The following TOX3 variants were observed in gnomAD, a reference collection of about 807,000 sequenced individuals.
The protein encoded by TOX3 is CAG trinucleotide repeat-containing gene F9 protein.
Under a neutral mutation model 64.3 loss-of-function variants are expected in TOX3, and 22 were observed. The ratio of observed to expected loss-of-function variants is 0.34; its 90% confidence interval spans 0.24 to 0.49. The LOEUF (loss-of-function observed/expected upper bound fraction) is 0.49. Ranked by LOEUF, TOX3 falls within the 20% of genes least tolerant of loss-of-function variation. The probability of loss-of-function intolerance (pLI) is 0.99; values close to 1 mark genes in which losing one functional copy is unlikely to be tolerated. For synonymous variants in TOX3, 291 were observed against 273.6 expected, an observed-to-expected ratio of 1.06 and a Z score of -0.63; for missense variants, 661 against 714.4, an observed-to-expected ratio of 0.93 and a Z score of 0.85.
At chr16:52,529,474 C>CT (rs943047498) in intron 1 of TOX3, among the ~76,000 whole-genome samples, 1 of 152,198 alleles carries the variant, frequency 6.6e-6, no homozygotes, top group African/African-American at 2.4e-5. Context: ...CATAGCCTGC[C>CT]TTTCTCTACA....
At position 52,517,790 on chromosome 16, in the gene TOX3, A is replaced by G. The variant is rs78713570; in HGVS notation, c.87+28847T>C. ...TTAAGAACAAAATAATACTTTTAAA[A>G]TATAAACCAGTTTAAAAGTATCAAA... On this transcript the variant is annotated intron_variant, in intron 1 of 6. Coordinates refer to ENST00000219746, the MANE Select transcript of TOX3 (RefSeq NM_001080430.4). Among the ~76,000 whole-genome samples the G allele has an allele frequency of 4.1e-3, 629 of 152,308 alleles. 4 individuals are homozygous for G. Among genetic ancestry groups the G allele is most frequent in the African/African-American group, 0.014 (598 of 41,570 alleles).
chr16:52,496,505 C>G (rs1226987801), intron 1 of TOX3, among the ~76,000 whole-genome samples: 1 of 152,164 alleles, frequency 6.6e-6, no homozygotes, highest in Non-Finnish European at 1.5e-5. Flanking sequence ...ATCCTCTTTG[C>G]CTTACAAAAG....
At chr16:52,462,428 T>C (rs1316151947) in intron 3 of TOX3, among the ~76,000 whole-genome samples, 1 of 152,126 alleles carries the variant, frequency 6.6e-6, no homozygotes, top group Non-Finnish European at 1.5e-5. Flanking sequence ...TTACACTTTT[T>C]TATGGCAGCA....
intron 4 of TOX3, among the ~76,000 whole-genome samples, chr16:52,447,747 G>C (rs1960203941): frequency 6.6e-6 from 1 of 152,190 alleles, no homozygotes; most frequent in Non-Finnish European, 1.5e-5. Flanking sequence ...GAATTTCCAA[G>C]AGAGTCAGAT....
At chr16:52,466,185 T>C (rs914879279) in intron 2 of TOX3, among the ~76,000 whole-genome samples, 2 of 152,224 alleles carry the variant, frequency 1.3e-5, no homozygotes, top group Admixed American at 6.5e-5. Context: ...ATTCTTGATA[T>C]GTGGCATTTG....
At chr16:52,449,365 C>A (rs1340555049) in intron 4 of TOX3, among the ~76,000 whole-genome samples, 1 of 152,118 alleles carries the variant, frequency 6.6e-6, no homozygotes, top group Non-Finnish European at 1.5e-5. Flanking sequence ...CCTCACTAGC[C>A]CCCAACCAAA....
intron 1 of TOX3, among the ~76,000 whole-genome samples, chr16:52,474,550 G>A (rs575593089): frequency 6.6e-6 from 1 of 152,030 alleles, no homozygotes; most frequent in African/African-American, 2.4e-5. Context: ...CCAGGAGTTT[G>A]AGGCTGCAAT....
At chr16:52,471,882 C>T (rs1961055877) in intron 1 of TOX3, among the ~76,000 whole-genome samples, 1 of 152,176 alleles carries the variant, frequency 6.6e-6, no homozygotes, top group African/African-American at 2.4e-5. Context: ...GCTCAAGTAA[C>T]TTGCCGAAGG....
intron 1 of TOX3, chr16:52,519,450 G>T (rs1382443578): frequency 1.9e-6 from 3 of 1,551,364 alleles, no homozygotes; most frequent in African/African-American, 2.7e-5. Flanking sequence ...TCCTCAATGC[G>T]CCTGGCTCCC....
At chr16:52,469,429 T>C (rs1960971261) in intron 1 of TOX3, among the ~76,000 whole-genome samples, 1 of 152,232 alleles carries the variant, frequency 6.6e-6, no homozygotes, top group South Asian at 2.1e-4. Context: ...ATTATCAGTC[T>C]GGTAATATGG....
At chr16:52,490,626 AT>A (rs3086679) in intron 1 of TOX3, among the ~76,000 whole-genome samples, 2,992 of 99,048 alleles carry the variant, frequency 0.03, 87 homozygotes, top group African/African-American at 0.066. Flanking sequence ...CTAGGATGTA[AT>A]TTTTTTTTTT....
intron 3 of TOX3, among the ~76,000 whole-genome samples, chr16:52,460,360 G>A (rs1960652497): frequency 2.0e-5 from 3 of 152,094 alleles, no homozygotes; most frequent in Non-Finnish European, 1.5e-5. Flanking sequence ...TATCAGACCA[G>A]AGACAATTAT....
chr16:52,452,965 T>C (rs1430996598), intron 3 of TOX3, among the ~76,000 whole-genome samples: 1 of 152,206 alleles, frequency 6.6e-6, no homozygotes, highest in Non-Finnish European at 1.5e-5. Flanking sequence ...TTCTACAGAT[T>C]GTGTGGATTT....
chr16:52,493,159 G>A (rs936335062), intron 1 of TOX3, among the ~76,000 whole-genome samples: 3 of 152,092 alleles, frequency 2.0e-5, no homozygotes, highest in Admixed American at 6.6e-5. Flanking sequence ...CTGGGGCAAC[G>A]GGAACAGGAT....
rs759712271 is a variant in TOX3 at position 52,444,285 on chromosome 16, G to A, written c.978C>T (p.Leu326=). The A allele has an allele frequency of 8.9e-6, 14 of 1,576,370 alleles. No homozygotes were observed. Among genetic ancestry groups the A allele is most frequent in the South Asian group, 4.7e-5 (4 of 85,368 alleles). The change falls in exon 6 of 7, where the codon CTC becomes CTT. Residue 326 remains leucine (L), a synonymous_variant. Coordinates refer to ENST00000219746, the MANE Select transcript of TOX3 (RefSeq NM_001080430.4). ...LKALAAYRAS[L]VSKAAAESAE... ...CCCTGCCCAGGTTTACCTTAGAAAC[G>A]AGGCTGGCCCTGTATGCCGCCAGGG... is the stretch of plus-strand genomic sequence containing the variant.
At chr16:52,444,499 G>GCGCA (rs374601775) in intron 5 of TOX3, 143 bp from the exon 6 acceptor site, 11 of 380,770 alleles carry the variant, frequency 2.9e-5, no homozygotes, top group African/African-American at 1.3e-4. Flanking sequence ...GTTAGCGCAT[G>GCGCA]CACACACACA....
At chr16:52,513,218 T>C (rs924125567) in intron 1 of TOX3, among the ~76,000 whole-genome samples, 3 of 152,250 alleles carry the variant, frequency 2.0e-5, no homozygotes, top group Admixed American at 2.0e-4. Context: ...ATGCTTCTCA[T>C]GCCCTCTGAG....
chr16:52,535,712 G>A (rs1190481572), intron 1 of TOX3, among the ~76,000 whole-genome samples: 1 of 152,022 alleles, frequency 6.6e-6, no homozygotes, highest in Non-Finnish European at 1.5e-5. Flanking sequence ...TTCTTCAATG[G>A]CCTGAATAGT....
Position 52,498,185 on chromosome 16 carries a change from T to G in TOX3, c.88-29611A>C, listed in dbSNP as rs1161251176. ...TGGGAATCTTTAATATATACAATCA[T>G]GTCATCAACCAAAAGGGGAGAAAAT... On this transcript the variant is annotated intron_variant, in intron 1 of 6. Transcript: ENST00000219746. 3.3e-5 allele frequency among the ~76,000 whole-genome samples: 5 copies of G among 152,132 alleles called. 1 individual carries two copies. The South Asian group carries it at 8.3e-4, about 25-fold the overall frequency.
Sources: allele counts gnomAD v4.1 joint callset (sites outside exome capture counted in the v4.1 genomes callset), GRCh38; gene constraint gnomAD v4.1.1; transcripts MANE v1.5; gene names NCBI Gene and HGNC (gene_info 2026-07-23, HGNC 2026-07-21).